TTC28: variants seen among roughly 807,000 people sequenced by gnomAD.
TTC28 encodes tetratricopeptide repeat protein 28.
Under a neutral mutation model 198.0 loss-of-function variants are expected in TTC28, and 61 were observed. The observed-to-expected ratio is 0.31, with a 90% CI of 0.25 to 0.38. The LOEUF (loss-of-function observed/expected upper bound fraction) is 0.38. Ranked by LOEUF, TTC28 falls within the 10% of genes least tolerant of loss-of-function variation. TTC28 has a pLI of 1.00. For missense variants in TTC28, 2,678 were observed against 3,164.0 expected (o/e 0.85, Z 3.69); for synonymous variants, 1,171 against 1,297.8 (o/e 0.90, Z 2.10).
intron 2 of TTC28, among the ~76,000 whole-genome samples, chr22:28,412,149 C>G (rs1025626590): frequency 1.3e-5 from 2 of 152,178 alleles, no homozygotes; most frequent in East Asian, 3.9e-4. Context: ...CTAAAGGACA[C>G]AAAACTGCCT....
chr22:28,018,488 C>T (rs566317965), intron 13 of TTC28, among the ~76,000 whole-genome samples: 2 of 152,320 alleles, frequency 1.3e-5, no homozygotes, highest in East Asian at 3.9e-4. Flanking sequence ...TGTGGCTAGC[C>T]GCCCAGCCCC....
chr22:28,586,385 AT>A (rs2050319480), intron 2 of TTC28, among the ~76,000 whole-genome samples: 4 of 151,998 alleles, frequency 2.6e-5, no homozygotes, highest in African/African-American at 9.7e-5. Context: ...AAAATCAATA[AT>A]ATATAGATTT....
chr22:28,639,940 G>C (rs2051336062), intron 1 of TTC28, among the ~76,000 whole-genome samples: 1 of 152,166 alleles, frequency 6.6e-6, no homozygotes, highest in African/African-American at 2.4e-5. Context: ...TAAGAACTGT[G>C]TGAATGGATT....
chr22:28,092,354 A>C (rs1416443444), intron 12 of TTC28, among the ~76,000 whole-genome samples: 1 of 152,168 alleles, frequency 6.6e-6, no homozygotes, highest in Non-Finnish European at 1.5e-5. Context: ...AATCTCTATC[A>C]TAGTACCTTA....
At chr22:28,409,128 A>T (rs1203504617) in intron 2 of TTC28, among the ~76,000 whole-genome samples, 1 of 152,206 alleles carries the variant, frequency 6.6e-6, no homozygotes, top group Non-Finnish European at 1.5e-5. Flanking sequence ...CTGCTGTGAA[A>T]AATTAGTGAT....
chr22:28,663,100 T>C (rs931814580), intron 1 of TTC28, among the ~76,000 whole-genome samples: 1 of 151,402 alleles, frequency 6.6e-6, no homozygotes, highest in African/African-American at 2.4e-5. Flanking sequence ...TACAATAAAT[T>C]AGCCAGGCGT....
chr22:27,985,046 G>C (rs1937163511), intron 22 of TTC28, among the ~76,000 whole-genome samples: 1 of 152,208 alleles, frequency 6.6e-6, no homozygotes, highest in Non-Finnish European at 1.5e-5. Context: ...GCACGTGCCA[G>C]CACCTCATAC....
chr22:28,085,480 C>A (rs1231933918), intron 12 of TTC28, among the ~76,000 whole-genome samples: 1 of 152,092 alleles, frequency 6.6e-6, no homozygotes, highest in Non-Finnish European at 1.5e-5. Context: ...TTGTCACCAC[C>A]AGGCCTGCCC....
intron 12 of TTC28, among the ~76,000 whole-genome samples, chr22:28,057,187 T>C (rs2146723177): frequency 6.6e-6 from 1 of 152,308 alleles, no homozygotes; most frequent in East Asian, 1.9e-4. Context: ...ATAGAGTAGG[T>C]ATTTAGTTTC....
At chr22:28,443,057 G>C (rs2047649225) in intron 2 of TTC28, 1 of 152,278 alleles carries the variant, frequency 6.6e-6, no homozygotes, top group Admixed American at 6.5e-5. Context: ...AGCCCCAGGA[G>C]AGTCCAGTCT....
intron 12 of TTC28, among the ~76,000 whole-genome samples, chr22:28,083,952 C>T (rs376370254): frequency 2.1e-4 from 32 of 152,344 alleles, no homozygotes; most frequent in South Asian, 6.2e-4. Flanking sequence ...AAGGCGGAAG[C>T]GAGGCTGTGG....
chr22:28,243,201 A>C (rs867425733), intron 5 of TTC28, among the ~76,000 whole-genome samples: 2 of 113,498 alleles, frequency 1.8e-5, no homozygotes, highest in Non-Finnish European at 4.0e-5. Flanking sequence ...AAAAAAAAAA[A>C]AAAAAAAAAA....
intron 6 of TTC28, among the ~76,000 whole-genome samples, chr22:28,156,795 C>T (rs954853970): frequency 5.9e-5 from 9 of 152,092 alleles, no homozygotes; most frequent in Admixed American, 3.3e-4. Flanking sequence ...ACAAAACCTA[C>T]GGGATGCAGC....
chr22:28,384,056 T>G (rs2046535985), intron 2 of TTC28, among the ~76,000 whole-genome samples: 1 of 152,178 alleles, frequency 6.6e-6, no homozygotes. Flanking sequence ...TCCCCTCCTG[T>G]GGGCTTTTAC....
intron 2 of TTC28, among the ~76,000 whole-genome samples, chr22:28,381,690 T>C (rs2046498809): frequency 6.6e-6 from 1 of 152,146 alleles, no homozygotes; most frequent in African/African-American, 2.4e-5. Context: ...AGTCACTTAA[T>C]CCAGTATTTT....
chr22:28,083,553 G>C (rs1941443257), intron 12 of TTC28, among the ~76,000 whole-genome samples: 1 of 152,230 alleles, frequency 6.6e-6, no homozygotes, highest in South Asian at 2.1e-4. Flanking sequence ...GGCCGAATAG[G>C]AACAGCTCCA....
intron 5 of TTC28, among the ~76,000 whole-genome samples, chr22:28,264,035 C>G (rs1398207321): frequency 6.6e-6 from 1 of 152,036 alleles, no homozygotes; most frequent in Non-Finnish European, 1.5e-5. Flanking sequence ...GCAGAAAGAC[C>G]AATTCAGAGG....
intron 2 of TTC28, among the ~76,000 whole-genome samples, chr22:28,388,236 C>T (rs1019695776): frequency 2.6e-4 from 39 of 152,244 alleles, no homozygotes; most frequent in East Asian, 5.8e-4. Flanking sequence ...CATGCTGTTT[C>T]AGTTACTGTA....
At chr22:28,395,634 A>C (rs746752547) in intron 2 of TTC28, among the ~76,000 whole-genome samples, 19 of 104,290 alleles carry the variant, frequency 1.8e-4, no homozygotes, top group Admixed American at 4.6e-4. Context: ...AACCAAACAA[A>C]CAAAAAAAAA....
Sources: gnomAD v4.1 joint callset for allele counts (sites outside exome capture counted in the v4.1 genomes callset) on GRCh38, gnomAD v4.1.1 for gene constraint, MANE v1.5 for transcripts, NCBI Gene and HGNC (gene_info 2026-07-23, HGNC 2026-07-21) for gene names.